The following GAREM2 variants were observed in gnomAD, a reference collection of about 807,000 sequenced individuals.
The protein encoded by GAREM2 is GRB2-associated and regulator of MAPK protein 2.
GAREM2 carries 30 observed loss-of-function variants against 55.6 expected under a neutral mutation model. The observed-to-expected ratio is 0.54, with a 90% CI of 0.40 to 0.73. The LOEUF (loss-of-function observed/expected upper bound fraction) is 0.73. Ranked by LOEUF, GAREM2 falls within the 30% of genes least tolerant of loss-of-function variation. GAREM2 has a pLI of 0.00. For missense variants in GAREM2, 1,075 were observed against 1,257.7 expected (o/e 0.85, Z 2.20); for synonymous variants, 550 against 569.1 (o/e 0.97, Z 0.48).
chr2:26,193,449 C>T (rs1289793159), downstream of GAREM2: 14 of 834,764 alleles, frequency 1.7e-5, no homozygotes, highest in South Asian at 4.1e-5. Flanking sequence ...TTTTTGAAAT[C>T]GCCAGTGATA....
At position 26,182,823 on chromosome 2, in the gene GAREM2, G is replaced by A. The variant is rs1669096581; in HGVS notation, c.254-144G>A. 18 of 1,018,154 alleles carry A rather than the reference G, an allele frequency of 1.8e-5. 2 individuals carry two copies. In the Middle Eastern group the frequency reaches 3.6e-3, roughly 203 times the overall value. 63.1% of individuals were successfully genotyped at this position (1,018,154 alleles called of 1,614,324 possible). On this transcript the variant is annotated intron_variant, in intron 2 of 5. Coordinates refer to ENST00000401533, the MANE Select transcript of GAREM2 (RefSeq NM_001168241.2). ...GACCAGCCCCCTTCAGCCCATGCCA[G>A]TGGAAACCTGCCCTTTGGCCCTCCT... is the stretch of plus-strand genomic sequence containing the variant.
chr2:26,197,958 T>C, the GAREM2 span, among the ~76,000 whole-genome samples: 5 of 152,214 alleles, frequency 3.3e-5, no homozygotes, highest in Admixed American at 6.5e-5. Flanking sequence ...TCGGGGAATA[T>C]GTTGACCTTG....
intron 1 of GAREM2, among the ~76,000 whole-genome samples, chr2:26,175,092 CAT>C (rs952055672): frequency 5.9e-5 from 9 of 152,104 alleles, no homozygotes; most frequent in East Asian, 1.9e-4. Flanking sequence ...CACACACACA[CAT>C]ACACACACAC....
downstream of GAREM2, chr2:26,191,465 C>A (rs200961004): frequency 6.2e-7 from 1 of 1,614,194 alleles, no homozygotes; most frequent in Non-Finnish European, 8.5e-7. Context: ...AGCTTCCTTC[C>A]CAACCTGCGA....
At chr2:26,195,300 C>T in the GAREM2 span, 1 of 1,313,416 alleles carries the variant, frequency 7.6e-7, no homozygotes. Context: ...CATTCCTTCT[C>T]TGCTAGGAAA....
chr2:26,195,733 T>C, the GAREM2 span, among the ~76,000 whole-genome samples: 1 of 152,192 alleles, frequency 6.6e-6, no homozygotes, highest in African/African-American at 2.4e-5. Flanking sequence ...TTAAGACTCA[T>C]TAAACCAGCA....
At chr2:26,195,315 TAGAA>T in the GAREM2 span, 7 of 1,177,598 alleles carry the variant, frequency 5.9e-6, no homozygotes, top group Admixed American at 5.0e-5. Flanking sequence ...AGGAAAACAC[TAGAA>T]AGAAAGGTGG....
At position 26,184,930 on chromosome 2, in the gene GAREM2, T is replaced by C. The variant is rs1669184002; in HGVS notation, c.1082T>C (p.Val361Ala). Residue 361 changes from valine (V) to alanine (A), a missense_variant, in exon 4 of 6, where the codon GTG (valine) becomes GCG (alanine). Val to Ala is a moderately conservative substitution (Grantham distance 64). Coordinates refer to ENST00000401533, the MANE Select transcript of GAREM2 (RefSeq NM_001168241.2). ...RFDPDEYSTA[V>A]REAPAELAED... ...GACCCCGACGAGTACTCCACGGCCG[T>C]GCGCGAGGCGCCAGCGGAGCTCGCC... is the stretch of plus-strand genomic sequence containing the variant. 4 of 1,324,948 alleles carry C rather than the reference T, an allele frequency of 3.0e-6. No homozygotes were observed. The highest frequency in any genetic ancestry group is 3.1e-5 in the African/African-American group (2 of 64,488). The allele number at this position is 1,324,948 out of a possible 1,614,324, so 82.1% of individuals were successfully genotyped here.
downstream of GAREM2, chr2:26,193,666 A>G (rs1444598631): frequency 6.2e-7 from 1 of 1,614,018 alleles, no homozygotes. Context: ...ATCTTCCGCC[A>G]CATGTTTCGC....
Position 26,179,297 on chromosome 2 carries a change from C to T in GAREM2, c.253+2813C>T, listed in dbSNP as rs987125412. On this transcript the variant is annotated intron_variant, in intron 2 of 5. Transcript: ENST00000401533. The surrounding 1 kb of genome is among the most constrained non-coding windows in gnomAD (Gnocchi z 4.7). ...TTTCCTGCTCAGCATTTGGCAGATG[C>T]GCCTCTGGCCCAACTAGGATGTTTC... is the stretch of plus-strand genomic sequence containing the variant. Among the ~76,000 whole-genome samples the T allele has an allele frequency of 6.6e-6, 1 of 152,176 alleles. No homozygotes were observed. Among genetic ancestry groups the T allele is most frequent in the Admixed American group, 6.5e-5 (1 of 15,290 alleles).
In GAREM2 at chr2:26,186,317, C is replaced by T; in HGVS notation, c.1557C>T (p.Pro519=). 1.3e-6 allele frequency: 2 copies of T among 1,551,810 alleles called. No homozygotes were observed. The highest frequency in any genetic ancestry group is 1.7e-6 in the Non-Finnish European group (2 of 1,147,000). The change falls in exon 5 of 6, where the codon CCC becomes CCT. Residue 519 remains proline, a synonymous_variant. Transcript: ENST00000401533. ...RFPKLQPVHS[P]SSSLSYYSSG... ...CCAAGCTGCAGCCGGTACATTCCCC[C>T]AGCTCCAGCCTCTCCTACTACTCCT...
chr2:26,182,467 G>A lies in GAREM2; in HGVS notation c.254-500G>A, dbSNP rs1669082613. The stretch of plus-strand genomic sequence containing the variant: ...CACCTCCATGCGGATCAGCAGCCCA[G>A]GGCGATGCACAGGATGCCAGATCCA... On this transcript the variant is annotated intron_variant, in intron 2 of 5. Transcript: ENST00000401533. 5 of 1,550,570 alleles carry A rather than the reference G, an allele frequency of 3.2e-6. No homozygotes were observed. In the East Asian group the frequency reaches 1.2e-4, roughly 38 times the overall value.
At position 26,184,966 on chromosome 2, in the gene GAREM2, C is replaced by T; in HGVS notation, c.1118C>T (p.Ala373Val). Residue 373 changes from alanine (A) to valine (V), a missense_variant, in exon 4 of 6, where the codon GCC becomes GTC. By Grantham distance (64) the Ala-to-Val change is moderately conservative. Around this residue, in one of 6 missense-constraint regions of GAREM2, gnomAD observed 515 missense variants for 501.5 expected, o/e 1.03. Coordinates refer to ENST00000401533, the MANE Select transcript of GAREM2 (RefSeq NM_001168241.2). ...CCAGCGGAGCTCGCCGAAGACTGCG[C>T]CAGCCCGCGCCGCGCGCGCCTCTGC... is the stretch of plus-strand genomic sequence containing the variant. Reference protein sequence around the residue: ...EAPAELAEDCASPRRARLCLP... With the variant: ...EAPAELAEDCVSPRRARLCLP... 8.3e-7 allele frequency: 1 copy of T among 1,207,740 alleles called. No individual in the cohort carries two copies. The highest frequency in any genetic ancestry group is 1.0e-6 in the Non-Finnish European group (1 of 973,360). 74.8% of individuals were successfully genotyped at this position (1,207,740 alleles called of 1,614,324 possible).
Position 26,188,038 on chromosome 2 carries a change from C to T in GAREM2, c.2406C>T (p.Pro802=). 1 of 1,507,490 alleles carries T rather than the reference C, an allele frequency of 6.6e-7. No homozygotes were observed. The highest frequency in any genetic ancestry group is 8.9e-7 in the Non-Finnish European group (1 of 1,120,100). 93.4% of individuals were successfully genotyped at this position (1,507,490 alleles called of 1,614,324 possible). A position where few individuals can be genotyped will look rare whatever the true frequency, so the allele number is the denominator to read the frequency against. Residue 802 remains proline, a synonymous_variant, in exon 6 of 6, where the codon CCC becomes CCT. Coordinates refer to ENST00000401533, the MANE Select transcript of GAREM2 (RefSeq NM_001168241.2). ...TCCGAGATGCCTCCTCCTGGCAGCC[C>T]CCTGCTGACCTGTCTGCACTCTCCC... ...FGVRDASSWQ[P]PADLSALSLE...
intron 1 of GAREM2, among the ~76,000 whole-genome samples, chr2:26,173,908 G>A (rs1668778754): frequency 6.6e-6 from 1 of 152,162 alleles, no homozygotes; most frequent in Non-Finnish European, 1.5e-5. Flanking sequence ...CCAAACTCCC[G>A]GCCCTCCCCC....
In GAREM2 at chr2:26,184,251, A is replaced by T. The variant is rs116239749; in HGVS notation, c.403A>T (p.Ser135Cys). ...FSVKVVSGEF[S>C]EDSEVYNFTL... is the part of the protein sequence containing the mutation. ...TCCCCAGGTGGTGTCGGGCGAGTTC[A>T]GCGAGGACAGCGAGGTGTACAACTT... is the stretch of plus-strand genomic sequence containing the variant. Residue 135 changes from serine to cysteine, a missense_variant, in exon 4 of 6, where the codon AGC becomes TGC. This residue lies in a region of GAREM2 where 230 missense variants were observed against 310.6 expected (regional missense o/e 0.74). Transcript: ENST00000401533. The T allele has an allele frequency of 9.7e-3, 15,113 of 1,550,508 alleles. 93 individuals are homozygous for T. The highest frequency in any genetic ancestry group is 0.011 in the Non-Finnish European group (12,671 of 1,146,422).
downstream of GAREM2, chr2:26,192,270 A>G (rs779708629): frequency 4.8e-6 from 5 of 1,046,922 alleles, no homozygotes; most frequent in East Asian, 1.2e-4. Flanking sequence ...GCTGTCAGAG[A>G]AAGTCAATTT....
At chr2:26,173,706 A>C (rs1574582640) in intron 1 of GAREM2, among the ~76,000 whole-genome samples, 1 of 129,972 alleles carries the variant, frequency 7.7e-6, no homozygotes, top group Non-Finnish European at 1.6e-5. Flanking sequence ...CTGGCCTCTC[A>C]CCTCTGTCTT....
intron 2 of GAREM2, chr2:26,181,168 G>T (rs1444026842): frequency 2.1e-6 from 2 of 974,432 alleles, no homozygotes; most frequent in Non-Finnish European, 2.4e-6. Flanking sequence ...ACTCCAGTGG[G>T]TCTCATGTTG....
Sources: gnomAD v4.1 joint callset for allele counts (sites outside exome capture counted in the v4.1 genomes callset) on GRCh38, gnomAD v4.1.1 for gene constraint, gnomAD v4.1.1 regional missense constraint, Gnocchi (gnomAD v3.1) non-coding constraint, MANE v1.5 for transcripts, NCBI Gene and HGNC (gene_info 2026-07-23, HGNC 2026-07-21) for gene names.